Variants in DMXL2 observed in about 807,000 individuals in gnomAD.
DMXL2 encodes Dmx like 2, also known as dmX-like protein 2.
A neutral mutation model predicts 331.1 loss-of-function variants in DMXL2; 103 were observed. The ratio of observed to expected loss-of-function variants is 0.31; its 90% CI spans 0.27 to 0.37. The LOEUF is 0.37. Among genes scored for constraint, DMXL2 ranks in the 10% least tolerant of loss-of-function variants. The pLI, the probability that DMXL2 is intolerant of heterozygous loss-of-function variation, is 1.00. For synonymous variants in DMXL2, 1,281 were observed against 1,252.1 expected (o/e 1.02, Z -0.49); for missense variants, 3,171 against 3,642.9 (o/e 0.87, Z 3.33).
intron 1 of DMXL2, among the ~76,000 whole-genome samples, chr15:51,614,365 C>T (rs1030368864): frequency 2.0e-5 from 3 of 152,138 alleles, no homozygotes; most frequent in African/African-American, 7.2e-5. Flanking sequence ...TCCTAAAGTA[C>T]AGAATCTCTA....
At chr15:51,482,351 A>G (rs1595959915) in intron 23 of DMXL2, among the ~76,000 whole-genome samples, 2 of 152,198 alleles carry the variant, frequency 1.3e-5, no homozygotes, top group Admixed American at 6.5e-5. Context: ...TTATATGCAC[A>G]TAGATAGCAA....
At chr15:51,488,158 T>G (rs1435009001) in intron 21 of DMXL2, 39 bp from the exon 22 acceptor site, 1 of 1,512,506 alleles carries the variant, frequency 6.6e-7, no homozygotes, top group Non-Finnish European at 8.9e-7. Context: ...TTAAACCAAA[T>G]TTAAAATGTT....
chr15:51,530,100 A>T (rs1233778828), intron 13 of DMXL2, among the ~76,000 whole-genome samples: 12 of 152,134 alleles, frequency 7.9e-5, no homozygotes, highest in Admixed American at 7.9e-4. Context: ...TATAGAAGGA[A>T]CATACCTTCT....
chr15:51,461,684 G>A (rs2040138278), intron 33 of DMXL2, among the ~76,000 whole-genome samples: 1 of 152,038 alleles, frequency 6.6e-6, no homozygotes, highest in African/African-American at 2.4e-5. Context: ...GCAAGTAGCT[G>A]GGATTACAAG....
chr15:51,489,526 G>A (rs1257937021), intron 20 of DMXL2, among the ~76,000 whole-genome samples: 6 of 152,100 alleles, frequency 3.9e-5, no homozygotes, highest in East Asian at 1.9e-4. Flanking sequence ...GCATGGTGGC[G>A]CACGCCTGTA....
chr15:51,518,874 AG>A (rs1337998981), intron 13 of DMXL2, among the ~76,000 whole-genome samples: 1 of 152,158 alleles, frequency 6.6e-6, no homozygotes. Flanking sequence ...CCTCCAACCA[AG>A]GAACTCATTT....
At chr15:51,517,723 A>G (rs928513457) in intron 13 of DMXL2, among the ~76,000 whole-genome samples, 1 of 152,234 alleles carries the variant, frequency 6.6e-6, no homozygotes, top group Non-Finnish European at 1.5e-5. Context: ...TGCCTCAGAA[A>G]GAAATGCCCA....
chr15:51,620,558 C>A (rs2054562964), intron 1 of DMXL2, among the ~76,000 whole-genome samples: 1 of 152,176 alleles, frequency 6.6e-6, no homozygotes, highest in Non-Finnish European at 1.5e-5. Context: ...ATTACATATT[C>A]TTAAGCCAAG....
chr15:51,621,415 T>C (rs2054616688), intron 1 of DMXL2, among the ~76,000 whole-genome samples: 1 of 152,226 alleles, frequency 6.6e-6, no homozygotes, highest in Non-Finnish European at 1.5e-5. Flanking sequence ...CTAAAAAGCA[T>C]ACCATTACGG....
rs545604038 is a variant in DMXL2, at chr15:51,488,604, A to C, written c.4995T>G (p.Asp1665Glu). 7 of 1,613,118 alleles carry C rather than the reference A, an allele frequency of 4.3e-6. No homozygotes were observed. Among genetic ancestry groups the C allele is most frequent in the African/African-American group, 4.0e-5 (3 of 75,020 alleles). The change falls in exon 21 of 44, where the codon GAT (aspartate) becomes GAG (glutamate). Residue 1665 changes from aspartate to glutamate, a missense_variant. Around this residue, in one of 7 missense-constraint regions of DMXL2, gnomAD observed 252 missense variants for 387.4 expected, o/e 0.65. Transcript: ENST00000560891. Reference protein sequence around the residue: ...ASFQRNNDALDAALFYLSMKK... With the variant: ...ASFQRNNDALEAALFYLSMKK... ...TCATTGAAAGGTAGAATAGTGCAGC[A>C]TCTAAGGCATCATTGTTCCTTTGAA...
chr15:51,470,594 C>A (rs910714744), intron 29 of DMXL2, among the ~76,000 whole-genome samples: 6 of 152,144 alleles, frequency 3.9e-5, no homozygotes, highest in Non-Finnish European at 5.9e-5. Context: ...GAGATGTATT[C>A]CCTCATGTGT....
At chr15:51,451,086 G>A (rs1277842045) in intron 42 of DMXL2, among the ~76,000 whole-genome samples, 1 of 152,116 alleles carries the variant, frequency 6.6e-6, no homozygotes, top group Non-Finnish European at 1.5e-5. Context: ...TATTTAAATG[G>A]CACTGTTTAC....
intron 1 of DMXL2, among the ~76,000 whole-genome samples, chr15:51,581,829 A>C (rs761742286): frequency 6.6e-6 from 1 of 152,188 alleles, no homozygotes; most frequent in Non-Finnish European, 1.5e-5. Context: ...CGGAAGTTAC[A>C]GGGTCAAAGT....
intron 36 of DMXL2, 127 bp downstream of exon 36, chr15:51,458,379 A>G (rs1414557375): frequency 2.0e-6 from 2 of 998,466 alleles, no homozygotes; most frequent in East Asian, 2.5e-5. Flanking sequence ...TAAACCAATT[A>G]TATTTGTCAC....
At chr15:51,565,036 C>G in intron 4 of DMXL2, 52 bp downstream of exon 4, 1 of 1,030,126 alleles carries the variant, frequency 9.7e-7, no homozygotes, top group Non-Finnish European at 1.4e-6. Context: ...TATTATCATA[C>G]ATTTAAAACA....
intron 13 of DMXL2, among the ~76,000 whole-genome samples, chr15:51,523,018 C>T (rs1161245637): frequency 6.6e-6 from 1 of 152,204 alleles, no homozygotes; most frequent in Non-Finnish European, 1.5e-5. Flanking sequence ...CCTAAATCTA[C>T]CCCTCTACCT....
At chr15:51,512,886 T>A (rs1339453644) in intron 15 of DMXL2, among the ~76,000 whole-genome samples, 1 of 151,818 alleles carries the variant, frequency 6.6e-6, no homozygotes, top group African/African-American at 2.4e-5. Flanking sequence ...TGTGATAAAA[T>A]CTTTAACCTA....
chr15:51,599,367 C>T (rs1468124239), intron 1 of DMXL2, among the ~76,000 whole-genome samples: 1 of 152,152 alleles, frequency 6.6e-6, no homozygotes, highest in African/African-American at 2.4e-5. Context: ...TGCTTCTAGG[C>T]CTCTCAGCTG....
intron 25 of DMXL2, 64 bp from the exon 26 acceptor site, chr15:51,478,411 A>G: frequency 7.0e-7 from 1 of 1,428,354 alleles, no homozygotes; most frequent in Non-Finnish European, 9.8e-7. Flanking sequence ...TAATATTTCA[A>G]AAATTAGAAA....
Sources: gnomAD v4.1 joint callset for allele counts (sites outside exome capture counted in the v4.1 genomes callset) on GRCh38, gnomAD v4.1.1 for gene constraint, gnomAD v4.1.1 regional missense constraint, MANE v1.5 for transcripts, NCBI Gene and HGNC (gene_info 2026-07-23, HGNC 2026-07-21) for gene names.